The following DENND1A variants were observed in gnomAD, a reference collection of about 807,000 sequenced individuals.
The protein encoded by DENND1A is DENN domain-containing protein 1A.
In DENND1A, 51 loss-of-function variants were observed where a neutral mutation model predicts 113.7. That is an observed-to-expected ratio of 0.45 (90% CI 0.36 to 0.57). The LOEUF (loss-of-function observed/expected upper bound fraction) is 0.57. Ranked by LOEUF, DENND1A falls within the 20% of genes least tolerant of loss-of-function variation. The pLI is 0.00. For missense variants in DENND1A, 1,258 were observed against 1,395.9 expected (o/e 0.90, Z 1.57); for synonymous variants, 565 against 570.8 (o/e 0.99, Z 0.14).
At chr9:123,597,489 A>G (rs2059748202) in intron 11 of DENND1A, among the ~76,000 whole-genome samples, 1 of 152,184 alleles carries the variant, frequency 6.6e-6, no homozygotes, top group South Asian at 2.1e-4. Flanking sequence ...TTTAAGATCT[A>G]GGAAAAATAC....
chr9:123,561,771 A>G (rs10119667), intron 12 of DENND1A, among the ~76,000 whole-genome samples: 46,049 of 151,776 alleles, frequency 0.3, 7,488 homozygotes, highest in African/African-American at 0.43. Context: ...TCTGTCTAAG[A>G]CGCCCTTTCC....
At chr9:123,733,629 T>C (rs368496642) in intron 5 of DENND1A, among the ~76,000 whole-genome samples, 93 of 151,818 alleles carry the variant, frequency 6.1e-4, no homozygotes, top group African/African-American at 2.2e-3. Context: ...CTTTTTTTAT[T>C]CCTGAATGTT....
chr9:123,533,468 A>C (rs74693259), intron 13 of DENND1A, among the ~76,000 whole-genome samples: 318 of 152,322 alleles, frequency 2.1e-3, no homozygotes, highest in African/African-American at 7.2e-3. Context: ...TACTGCACTC[A>C]AGCCTGGCTT....
chr9:123,407,273 A>G (rs1040346340), intron 20 of DENND1A, among the ~76,000 whole-genome samples: 20 of 152,160 alleles, frequency 1.3e-4, no homozygotes, highest in Non-Finnish European at 2.8e-4. Context: ...CGACCCACCC[A>G]GAGTCACACA....
At chr9:123,507,824 CAAAA>C (rs1309419224) in intron 13 of DENND1A, among the ~76,000 whole-genome samples, 23 of 133,508 alleles carry the variant, frequency 1.7e-4, no homozygotes, top group African/African-American at 6.7e-4. Flanking sequence ...GAACCTATCT[CAAAA>C]TAAATAAATA....
At chr9:123,566,951 A>G (rs942786315) in intron 12 of DENND1A, among the ~76,000 whole-genome samples, 2 of 151,948 alleles carry the variant, frequency 1.3e-5, no homozygotes, top group African/African-American at 4.8e-5. Flanking sequence ...AAACACACAC[A>G]CACAATTAAT....
intron 9 of DENND1A, among the ~76,000 whole-genome samples, chr9:123,646,733 A>C (rs1010087428): frequency 3.9e-5 from 6 of 152,120 alleles, no homozygotes; most frequent in African/African-American, 7.2e-5. Context: ...TGCAAGCTTC[A>C]TGAGGACAGG....
At chr9:123,434,120 G>A (rs974476110) in intron 19 of DENND1A, among the ~76,000 whole-genome samples, 3 of 152,302 alleles carry the variant, frequency 2.0e-5, no homozygotes, top group East Asian at 1.9e-4. Flanking sequence ...TCTGCCTCCC[G>A]GGTTCAAGCA....
rs140898847 is a variant in DENND1A, at chr9:123,552,980, C to T, written c.993+4590G>A. 2.3e-4 allele frequency among the ~76,000 whole-genome samples: 35 copies of T among 152,352 alleles called. No homozygotes were observed. The East Asian group carries it at 6.4e-3, about 28-fold the overall frequency. ...ATCAAAAAGACCAGCATGCCGGGCACGGTGGCTCATGCCTGTAATCTCAGC... is the reference window on the plus strand; with the variant it reads ...ATCAAAAAGACCAGCATGCCGGGCATGGTGGCTCATGCCTGTAATCTCAGC... On this transcript the variant is annotated intron_variant, in intron 13 of 23. Transcript: ENST00000394215.
In DENND1A at chr9:123,652,138, A is replaced by G. The variant is rs752083302; in HGVS notation, c.508-15T>C. Reference sequence around the variant, plus strand: ...GTCAGATTTCTCTAGGAGAAAGAAGAAGGCACGGTTTGTGGCTGATTTTCT... The same window carrying G: ...GTCAGATTTCTCTAGGAGAAAGAAGGAGGCACGGTTTGTGGCTGATTTTCT... On this transcript the variant is annotated splice_polypyrimidine_tract_variant and intron_variant, in intron 8 of 23. Coordinates refer to ENST00000394215, the MANE Select transcript of DENND1A (RefSeq NM_001352964.2). The G allele has an allele frequency of 5.0e-6, 8 of 1,608,186 alleles. No individual in the cohort carries two copies. Among genetic ancestry groups the G allele is most frequent in the South Asian group, 4.4e-5 (4 of 90,936 alleles).
At position 123,422,894 on chromosome 9, in the gene DENND1A, A is replaced by G. The variant is rs2131851167; in HGVS notation, c.1489-11065T>C. On this transcript the variant is annotated intron_variant, in intron 19 of 23. Transcript: ENST00000394215. The surrounding 1 kb of genome is among the most constrained non-coding windows in gnomAD (Gnocchi z 4.8). Reference sequence around the variant, plus strand: ...GCCCCTGAGCCCTCGGAGAACAAACAGGAACCCAAGGTGCCAGCAGTTCGA... The same window carrying G: ...GCCCCTGAGCCCTCGGAGAACAAACGGGAACCCAAGGTGCCAGCAGTTCGA... Among the ~76,000 whole-genome samples the G allele has an allele frequency of 6.6e-6, 1 of 152,228 alleles. No homozygotes were observed. Among genetic ancestry groups the G allele is most frequent in the East Asian group, 1.9e-4 (1 of 5,202 alleles).
intron 13 of DENND1A, among the ~76,000 whole-genome samples, chr9:123,550,674 G>C (rs1185258765): frequency 1.3e-5 from 2 of 152,184 alleles, no homozygotes; most frequent in Non-Finnish European, 2.9e-5. Flanking sequence ...TGTGTTTCGA[G>C]GGGGGTGTAT....
At position 123,849,368 on chromosome 9, in the gene DENND1A, C is replaced by T. The variant is rs1232611841; in HGVS notation, c.88+29583G>A. Among the ~76,000 whole-genome samples the T allele has an allele frequency of 3.3e-5, 5 of 152,272 alleles. No individual in the cohort carries two copies. In the East Asian group the frequency reaches 9.6e-4, roughly 29 times the overall value. ...TATAAATGGAACAAAGCCTGGATGC[C>T]AGCACATCATTTTATAGCATGTATT... On this transcript the variant is annotated intron_variant, in intron 2 of 23. Coordinates refer to ENST00000394215, the MANE Select transcript of DENND1A (RefSeq NM_001352964.2).
intron 1 of DENND1A, among the ~76,000 whole-genome samples, chr9:123,915,643 G>C (rs902623835): frequency 2.6e-5 from 4 of 152,108 alleles, no homozygotes; most frequent in African/African-American, 4.8e-5. Context: ...ATTTCAAGGA[G>C]TTAACAGATA....
chr9:123,740,910 G>GAT (rs1554727825), intron 5 of DENND1A, among the ~76,000 whole-genome samples: 1 of 118,622 alleles, frequency 8.4e-6, no homozygotes, highest in Admixed American at 8.6e-5. Flanking sequence ...GAGAGAGAGA[G>GAT]AGAGAGAGAG....
intron 1 of DENND1A, among the ~76,000 whole-genome samples, chr9:123,885,033 A>ACTCT (rs990792530): frequency 7.8e-6 from 1 of 128,378 alleles, no homozygotes; most frequent in East Asian, 2.1e-4. Context: ...ACACACACTC[A>ACTCT]CTCTCTCTCT....
chr9:123,434,083 G>A (rs1186742330), intron 19 of DENND1A, among the ~76,000 whole-genome samples: 2 of 152,238 alleles, frequency 1.3e-5, no homozygotes, highest in Admixed American at 1.3e-4. Flanking sequence ...CTGGCGTGCG[G>A]TGGCACAATC....
At chr9:123,593,042 CT>C (rs2059531167) in intron 11 of DENND1A, among the ~76,000 whole-genome samples, 1 of 152,142 alleles carries the variant, frequency 6.6e-6, no homozygotes, top group Non-Finnish European at 1.5e-5. Flanking sequence ...TTCTATTTCA[CT>C]GTTAGAAAAT....
intron 1 of DENND1A, among the ~76,000 whole-genome samples, chr9:123,891,156 C>A (rs1849842470): frequency 1.3e-5 from 2 of 152,132 alleles, no homozygotes; most frequent in Admixed American, 1.3e-4. Flanking sequence ...TCAGGGAGAT[C>A]CAGAATTACA....
Sources: gnomAD v4.1 joint callset for allele counts (sites outside exome capture counted in the v4.1 genomes callset) on GRCh38, gnomAD v4.1.1 for gene constraint, Gnocchi (gnomAD v3.1) non-coding constraint, MANE v1.5 for transcripts, NCBI Gene and HGNC (gene_info 2026-07-23, HGNC 2026-07-21) for gene names.